CNTNAP2: variants seen among roughly 807,000 people sequenced by gnomAD.
CNTNAP2 encodes contactin-associated protein-like 2.
Under a neutral mutation model 155.2 loss-of-function variants are expected in CNTNAP2, and 98 were observed. The observed-to-expected ratio is 0.63, with a 90% CI of 0.54 to 0.75. CNTNAP2 has a LOEUF of 0.75. CNTNAP2 is among the 30% of genes least tolerant of loss of function. The pLI is 0.00. For synonymous variants in CNTNAP2, 651 were observed against 631.2 expected (o/e 1.03, Z -0.47); for missense variants, 1,727 against 1,688.1 (o/e 1.02, Z -0.40).
chr7:146,117,099 C>G, intron 1 of CNTNAP2, 126 bp downstream of exon 1: 2 of 795,316 alleles, frequency 2.5e-6, no homozygotes, highest in East Asian at 5.4e-5. Flanking sequence ...TCTCCGCTGT[C>G]ACACACTTGC....
At chr7:147,465,716 T>G (rs1798109073) in intron 10 of CNTNAP2, among the ~76,000 whole-genome samples, 1 of 152,198 alleles carries the variant, frequency 6.6e-6, no homozygotes, top group Non-Finnish European at 1.5e-5. Context: ...TTGGTCCACG[T>G]GTCTATGTGT....
At chr7:147,290,526 C>A (rs193032333) in intron 8 of CNTNAP2, among the ~76,000 whole-genome samples, 1 of 151,522 alleles carries the variant, frequency 6.6e-6, no homozygotes, top group Non-Finnish European at 1.5e-5. Context: ...ACTAAAATTA[C>A]AAAAAAATTA....
At chr7:147,780,744 G>C (rs1797649842) in intron 13 of CNTNAP2, among the ~76,000 whole-genome samples, 2 of 152,128 alleles carry the variant, frequency 1.3e-5, no homozygotes, top group Admixed American at 1.3e-4. Context: ...CAAATAAATA[G>C]GGTTTCTTAG....
At chr7:147,034,321 C>A (rs969035114) in intron 3 of CNTNAP2, among the ~76,000 whole-genome samples, 1 of 152,166 alleles carries the variant, frequency 6.6e-6, no homozygotes, top group South Asian at 2.1e-4. Flanking sequence ...AGGAGTTTTC[C>A]CTTTTCCTCT....
chr7:147,005,378 G>T (rs1287362800), intron 3 of CNTNAP2, among the ~76,000 whole-genome samples: 1 of 151,904 alleles, frequency 6.6e-6, no homozygotes, highest in Non-Finnish European at 1.5e-5. Flanking sequence ...CAAAAGTATT[G>T]TAGAGAAGGA....
At chr7:146,818,522 T>C (rs536526731) in intron 2 of CNTNAP2, among the ~76,000 whole-genome samples, 8 of 151,702 alleles carry the variant, frequency 5.3e-5, no homozygotes, top group Non-Finnish European at 1.0e-4. Context: ...GGGTCTTTTG[T>C]TTTAAATACC....
intron 10 of CNTNAP2, among the ~76,000 whole-genome samples, chr7:147,427,269 T>C (rs570122133): frequency 7.2e-5 from 11 of 152,056 alleles, no homozygotes; most frequent in Non-Finnish European, 1.3e-4. Context: ...CTTAATACAG[T>C]TGCATTGGGG....
rs190985395 is a variant in CNTNAP2, at chr7:146,417,730, G to A, written c.97+300757G>A. ...ATTGGCTAAAATAATAAGATCTGGA[G>A]TTTGAAAGTAGTTTCAACAGGTGAT... is the stretch of plus-strand genomic sequence containing the variant. On this transcript the variant is annotated intron_variant, in intron 1 of 23. Transcript: ENST00000361727. Among the ~76,000 whole-genome samples the A allele has an allele frequency of 3.3e-5, 5 of 152,246 alleles. No homozygotes were observed. The East Asian group carries it at 9.7e-4, about 29-fold the overall frequency.
In CNTNAP2 at chr7:147,639,124, T is replaced by TA; in HGVS notation, c.1917dup (p.Val640SerfsTer4). The stretch of plus-strand genomic sequence containing the variant: ...CCCACAGAGGACAAAGTGTGGACCA[T>TA]AGTGTCTCATGACTTGCAGATGCAG... On this transcript the variant is annotated frameshift_variant, in exon 13 of 24. Coordinates refer to ENST00000361727, the MANE Select transcript of CNTNAP2 (RefSeq NM_014141.6). LOFTEE classifies it high-confidence loss of function. 6.2e-7 allele frequency: 1 copy of TA among 1,614,094 alleles called. No homozygotes were observed. Among genetic ancestry groups the TA allele is most frequent in the African/African-American group, 1.3e-5 (1 of 75,038 alleles).
At chr7:146,647,593 G>C (rs1160968210) in intron 1 of CNTNAP2, among the ~76,000 whole-genome samples, 1 of 152,144 alleles carries the variant, frequency 6.6e-6, no homozygotes, top group Non-Finnish European at 1.5e-5. Flanking sequence ...CATGAGCAGT[G>C]ATAAAGAGAA....
At chr7:147,713,269 A>G (rs1013928722) in intron 13 of CNTNAP2, among the ~76,000 whole-genome samples, 8 of 152,102 alleles carry the variant, frequency 5.3e-5, no homozygotes, top group Admixed American at 2.6e-4. Flanking sequence ...CACCACTACA[A>G]TTAAGGGATA....
intron 3 of CNTNAP2, among the ~76,000 whole-genome samples, chr7:146,880,788 G>A (rs1018677673): frequency 2.6e-5 from 4 of 152,064 alleles, no homozygotes; most frequent in South Asian, 2.1e-4. Flanking sequence ...AACTTACAGA[G>A]GGCTGAATAT....
chr7:148,105,795 C>T (rs2116588393), intron 15 of CNTNAP2, among the ~76,000 whole-genome samples: 1 of 152,248 alleles, frequency 6.6e-6, no homozygotes, highest in Non-Finnish European at 1.5e-5. Flanking sequence ...CCATGTTGGC[C>T]AGGCTCGTCT....
At chr7:146,117,045 A>T in intron 1 of CNTNAP2, 72 bp downstream of exon 1, 2 of 1,310,814 alleles carry the variant, frequency 1.5e-6, no homozygotes, top group Non-Finnish European at 2.2e-6. Flanking sequence ...CCAGGGTATC[A>T]ACTCCGAAGT....
chr7:147,091,731 G>A (rs946366276), intron 4 of CNTNAP2, among the ~76,000 whole-genome samples: 11 of 151,682 alleles, frequency 7.3e-5, no homozygotes, highest in Admixed American at 5.9e-4. Context: ...TCAGCGTCCC[G>A]GGTAGCTGGG....
intron 13 of CNTNAP2, among the ~76,000 whole-genome samples, chr7:147,805,712 A>G (rs1356649678): frequency 6.6e-6 from 1 of 152,160 alleles, no homozygotes; most frequent in Non-Finnish European, 1.5e-5. Context: ...CATTCTATTG[A>G]TGTGATGTAT....
At chr7:146,225,052 A>T (rs73739575) in intron 1 of CNTNAP2, among the ~76,000 whole-genome samples, 4,543 of 152,264 alleles carry the variant, frequency 0.03, 224 homozygotes, top group African/African-American at 0.1. Flanking sequence ...GAAAGCTAAG[A>T]ATCTTTTGTG....
At chr7:147,795,968 T>C (rs1267651521) in intron 13 of CNTNAP2, among the ~76,000 whole-genome samples, 1 of 151,310 alleles carries the variant, frequency 6.6e-6, no homozygotes, top group Non-Finnish European at 1.5e-5. Flanking sequence ...TATCTACAAC[T>C]GATTTTGAAG....
intron 10 of CNTNAP2, among the ~76,000 whole-genome samples, chr7:147,444,787 G>T (rs1797704003): frequency 6.6e-6 from 1 of 152,124 alleles, no homozygotes; most frequent in African/African-American, 2.4e-5. Context: ...GAAAGTAAAG[G>T]ATGATGTATT....
Sources: allele counts gnomAD v4.1 joint callset (sites outside exome capture counted in the v4.1 genomes callset), GRCh38; gene constraint gnomAD v4.1.1; transcripts MANE v1.5; gene names NCBI Gene and HGNC (gene_info 2026-07-23, HGNC 2026-07-21).